The following PSMC1 variants were observed in gnomAD, a reference collection of about 807,000 sequenced individuals.
PSMC1 encodes 26S proteasome regulatory subunit 4.
A neutral mutation model predicts 49.8 loss-of-function variants in PSMC1; 5 were observed. The observed-to-expected ratio is 0.10, with a 90% CI of 0.05 to 0.21. PSMC1 has a LOEUF of 0.21. Ranked by LOEUF, PSMC1 falls within the 10% of genes least tolerant of loss-of-function variation. The probability of loss-of-function intolerance (pLI) is 1.00; values close to 1 mark genes in which losing one functional copy is unlikely to be tolerated. For missense variants in PSMC1, 181 were observed against 535.7 expected, an observed-to-expected ratio of 0.34 and a Z score of 6.54; for synonymous variants, 155 against 192.1, an observed-to-expected ratio of 0.81 and a Z score of 1.60.
chr14:90,264,049 C>T lies in PSMC1; in HGVS notation c.474C>T (p.Ala158=), dbSNP rs376277827. Residue 158 remains alanine (A), a synonymous_variant, in exon 6 of 11, where the codon GCC becomes GCT. Coordinates refer to ENST00000261303, the MANE Select transcript of PSMC1 (RefSeq NM_002802.3). ...CSVLLNHKVH[A]VIGVLMDDTD... ...TTGATGTTTCCTGTTAGGTGCATGC[C>T]GTGATAGGGGTGCTGATGGATGACA... The T allele has an allele frequency of 2.2e-5, 35 of 1,609,818 alleles. No individual in the cohort carries two copies. Among genetic ancestry groups the T allele is most frequent in the African/African-American group, 1.2e-4 (9 of 74,682 alleles).
intron 1 of PSMC1, among the ~76,000 whole-genome samples, chr14:90,258,818 A>G (rs778839828): frequency 6.6e-6 from 1 of 152,220 alleles, no homozygotes; most frequent in Non-Finnish European, 1.5e-5. Context: ...TCCTATCAAG[A>G]GATGTGAAGC....
rs1298636702 is a variant in PSMC1, at chr14:90,273,635, C to T, written c.*1228C>T. Reference sequence around the variant, plus strand: ...GTCAGAAGTCCAACACGAGTGTCTCCAGGCTAAAGTCTTGCTGTTGGCAGG... The same window carrying T: ...GTCAGAAGTCCAACACGAGTGTCTCTAGGCTAAAGTCTTGCTGTTGGCAGG... On this transcript the variant is annotated 3_prime_UTR_variant, in exon 11 of 11. Transcript: ENST00000261303. 2 of 152,492 alleles carry T rather than the reference C, an allele frequency of 1.3e-5. No individual in the cohort carries two copies. The highest frequency in any genetic ancestry group is 2.9e-5 in the Non-Finnish European group (2 of 68,214). The allele number at this position is 152,492 out of a possible 1,614,324, so 9.4% of individuals were successfully genotyped here.
chr14:90,261,787 C>A (rs1751161850), intron 3 of PSMC1, among the ~76,000 whole-genome samples: 1 of 150,824 alleles, frequency 6.6e-6, no homozygotes, highest in South Asian at 2.1e-4. Context: ...TTTGACCCAG[C>A]CATCCCATTA....
chr14:90,257,573 A>G (rs1266104654), intron 1 of PSMC1, among the ~76,000 whole-genome samples: 1 of 152,162 alleles, frequency 6.6e-6, no homozygotes, highest in Non-Finnish European at 1.5e-5. Context: ...GAACGGCAAG[A>G]AGGCCAGATC....
chr14:90,268,191 CTTTT>C, intron 7 of PSMC1, 29 bp from the exon 8 acceptor site: 6 of 1,303,800 alleles, frequency 4.6e-6, no homozygotes, highest in East Asian at 2.6e-5. Context: ...CTTAAGGTGT[CTTTT>C]TTTTTTTTAT....
chr14:90,269,216 C>T (rs1891597288), intron 8 of PSMC1, 181 bp from the exon 9 acceptor site: 2 of 594,088 alleles, frequency 3.4e-6, no homozygotes, highest in Non-Finnish European at 5.9e-6. Context: ...TGGGGAAATA[C>T]ATTCAGACCA....
intron 10 of PSMC1, chr14:90,270,862 C>T (rs1399698905): frequency 6.6e-6 from 1 of 152,316 alleles, no homozygotes; most frequent in Admixed American, 6.5e-5. Flanking sequence ...AATATGGGTT[C>T]TACCTGCTTT....
At chr14:90,268,108 T>C (rs1891564963) in intron 7 of PSMC1, 116 bp from the exon 8 acceptor site, 1 of 774,934 alleles carries the variant, frequency 1.3e-6, no homozygotes, top group South Asian at 1.9e-5. Flanking sequence ...TGCCATGCCT[T>C]AGCATGAGGG....
intron 3 of PSMC1, among the ~76,000 whole-genome samples, chr14:90,261,249 C>T (rs957454911): frequency 6.6e-6 from 1 of 152,222 alleles, no homozygotes; most frequent in East Asian, 1.9e-4. Context: ...ACTTGCTTCT[C>T]ATCCTTTAGG....
chr14:90,260,937 G>T (rs1183227952), intron 3 of PSMC1, among the ~76,000 whole-genome samples: 1 of 152,140 alleles, frequency 6.6e-6, no homozygotes, highest in Non-Finnish European at 1.5e-5. Context: ...ACAAAACCCA[G>T]GTTGAACTTT....
intron 5 of PSMC1, 45 bp downstream of exon 5, chr14:90,263,892 C>T (rs765368446): frequency 6.2e-7 from 1 of 1,608,716 alleles, no homozygotes; most frequent in Admixed American, 1.7e-5. Flanking sequence ...AGTGCTTTCT[C>T]TTCTCACTTA....
chr14:90,256,709 C>T (rs1891300511), intron 1 of PSMC1, 109 bp downstream of exon 1: 2 of 1,501,242 alleles, frequency 1.3e-6, no homozygotes. Flanking sequence ...CAGCCCTCTT[C>T]TCCTTTTGCC....
chr14:90,263,500 C>A, intron 4 of PSMC1, 58 bp downstream of exon 4: 1 of 1,500,252 alleles, frequency 6.7e-7, no homozygotes, highest in Non-Finnish European at 9.0e-7. Flanking sequence ...ATAAAATTGT[C>A]AACAAATAAA....
rs891499690 is a variant in PSMC1 at position 90,274,966 on chromosome 14, T to A, written c.*2559T>A. ...CACTGGAGATGCCCAGCAGACACCG[T>A]CTTCACCAAGTGGTCAAATGCACAT... On this transcript the variant is annotated 3_prime_UTR_variant, in exon 11 of 11. Coordinates refer to ENST00000261303, the MANE Select transcript of PSMC1 (RefSeq NM_002802.3). 6.6e-6 allele frequency: 1 copy of A among 152,222 alleles called. No individual in the cohort carries two copies. Among genetic ancestry groups the A allele is most frequent in the African/African-American group, 2.4e-5 (1 of 41,418 alleles). The allele number at this position is 152,222 out of a possible 1,614,324, so 9.4% of individuals were successfully genotyped here.
chr14:90,265,447 T>G (rs1891487048), intron 7 of PSMC1, among the ~76,000 whole-genome samples: 1 of 151,574 alleles, frequency 6.6e-6, no homozygotes, highest in Non-Finnish European at 1.5e-5. Flanking sequence ...TCCCAGTACT[T>G]TGGGAGGCAG....
Position 90,263,659 on chromosome 14 carries a change from T to C in PSMC1, c.280-3T>C. ...TTTTTTCCCTTGGCATTTTCATATG[T>C]AGGAGGAAAGATCAAAAGTGGATGA... On this transcript the variant is annotated splice_region_variant and splice_polypyrimidine_tract_variant and intron_variant, in intron 4 of 10. Coordinates refer to ENST00000261303, the MANE Select transcript of PSMC1 (RefSeq NM_002802.3). 2 of 1,612,912 alleles carry C rather than the reference T, an allele frequency of 1.2e-6. No individual in the cohort carries two copies. The highest frequency in any genetic ancestry group is 1.7e-6 in the Non-Finnish European group (2 of 1,179,304).
intron 1 of PSMC1, among the ~76,000 whole-genome samples, chr14:90,257,552 A>G (rs1045016993): frequency 6.6e-6 from 1 of 152,150 alleles, no homozygotes; most frequent in African/African-American, 2.4e-5. Context: ...GGAATGTTTA[A>G]CCTGTATCAT....
At chr14:90,259,299 G>A in intron 2 of PSMC1, 86 bp downstream of exon 2, 1 of 1,309,138 alleles carries the variant, frequency 7.6e-7, no homozygotes, top group Non-Finnish European at 1.1e-6. Context: ...GGGGATTCAT[G>A]AATTTTAAAA....
At chr14:90,271,561 T>A (rs187232848) in intron 10 of PSMC1, 1 of 152,222 alleles carries the variant, frequency 6.6e-6, no homozygotes, top group Non-Finnish European at 1.5e-5. Flanking sequence ...CCAGAATACA[T>A]GTTCTTTTAT....
Sources: allele counts gnomAD v4.1 joint callset (sites outside exome capture counted in the v4.1 genomes callset), GRCh38; gene constraint gnomAD v4.1.1; transcripts MANE v1.5; gene names NCBI Gene and HGNC (gene_info 2026-07-23, HGNC 2026-07-21).